Variants in MTERF4 observed in about 807,000 individuals in gnomAD.
The protein encoded by MTERF4 is mitochondrial transcription termination factor 4.
A neutral mutation model predicts 22.5 loss-of-function variants in MTERF4; 17 were observed. The ratio of observed to expected loss-of-function variants is 0.75; its 90% CI spans 0.52 to 1.13. MTERF4 has a LOEUF of 1.13. MTERF4 is among the 50% of genes most tolerant of loss of function. The pLI is 0.00. For synonymous variants in MTERF4, 165 were observed against 175.3 expected (o/e 0.94, Z 0.47); for missense variants, 420 against 466.8 (o/e 0.90, Z 0.92).
the MTERF4 span, among the ~76,000 whole-genome samples, chr2:241,061,282 T>G: frequency 1.3e-5 from 2 of 152,174 alleles, no homozygotes; most frequent in African/African-American, 2.4e-5. Context: ...TTCTATTTCA[T>G]TAGTAATCAG....
downstream of MTERF4, chr2:241,082,290 G>T: frequency 6.2e-7 from 1 of 1,613,066 alleles, no homozygotes; most frequent in Non-Finnish European, 8.5e-7. Flanking sequence ...GTATAAAGGT[G>T]TCCCGCCCCT....
At chr2:241,059,241 T>A in the MTERF4 span, among the ~76,000 whole-genome samples, 1 of 152,210 alleles carries the variant, frequency 6.6e-6, no homozygotes, top group South Asian at 2.1e-4. Context: ...TACACTTAAT[T>A]TGTAATTAAA....
the MTERF4 span, chr2:241,051,859 C>T: frequency 2.6e-6 from 4 of 1,536,898 alleles, no homozygotes; most frequent in East Asian, 4.8e-5. The surrounding 1 kb of genome is among the most constrained non-coding windows in gnomAD (Gnocchi z 4.7). Flanking sequence ...ACTGTGAGAT[C>T]GGTGCGGCCC....
the MTERF4 span, chr2:241,062,805 C>T: frequency 1.4e-5 from 23 of 1,609,786 alleles, no homozygotes; most frequent in African/African-American, 1.1e-4. Context: ...CGATGAGTGC[C>T]GGTCTCAGCC....
chr2:241,045,713 C>CA, the MTERF4 span, among the ~76,000 whole-genome samples: 43,869 of 133,438 alleles, frequency 0.33, 6,594 homozygotes, highest in Middle Eastern at 0.38. Context: ...AAAACATAGG[C>CA]AAAAAAAAAA....
the MTERF4 span, among the ~76,000 whole-genome samples, chr2:241,046,826 A>C: frequency 6.6e-6 from 1 of 152,208 alleles, no homozygotes; most frequent in African/African-American, 2.4e-5. Flanking sequence ...TTTTGAAAGC[A>C]CGTGAAGAAA....
chr2:241,053,165 G>GC, the MTERF4 span: 1 of 1,610,122 alleles, frequency 6.2e-7, no homozygotes, highest in Non-Finnish European at 8.5e-7. Context: ...GTGGACTGCG[G>GC]CCCCCCGGAG....
chr2:241,072,296 C>T, exon 5 of MTERF4: 1 of 448,056 alleles, frequency 2.2e-6, no homozygotes, highest in Non-Finnish European at 4.5e-6. Context: ...CCGCCACTGT[C>T]CTGGCAAGAT....
At chr2:241,080,634 C>T (rs1028849350) in intron 4 of MTERF4, among the ~76,000 whole-genome samples, 8 of 152,186 alleles carry the variant, frequency 5.3e-5, no homozygotes, top group East Asian at 3.8e-4. Context: ...GAAGGGCTCC[C>T]GCTGTCCAAA....
chr2:241,096,457 C>CTTAAG lies in MTERF4; in HGVS notation c.706-20_706-19insCTTAA. 1 of 1,611,750 alleles carries CTTAAG rather than the reference C, an allele frequency of 6.2e-7. No homozygotes were observed. Among genetic ancestry groups the CTTAAG allele is most frequent in the Non-Finnish European group, 8.5e-7 (1 of 1,178,276 alleles). On this transcript the variant is annotated intron_variant, in intron 3 of 3. Coordinates refer to ENST00000391980, the MANE Select transcript of MTERF4 (RefSeq NM_182501.4). This position sits in a 1 kb window ranked among gnomAD's most constrained non-coding sequence, Gnocchi z 5.1. Reference sequence around the variant, plus strand: ...ATGCATACTGGAAGACACAAACACACTTAGGAGTCCCAGATACAGAGTATT... The same window carrying CTTAAG: ...ATGCATACTGGAAGACACAAACACACTTAAGTTAGGAGTCCCAGATACAGAGTATT...
chr2:241,088,099 C>T (rs1170479438), downstream of MTERF4: 3 of 493,064 alleles, frequency 6.1e-6, no homozygotes, highest in Non-Finnish European at 1.1e-5. Flanking sequence ...TGCTTGCTTT[C>T]TCCCACGTCC....
chr2:241,064,822 C>G, the MTERF4 span: 1 of 1,547,652 alleles, frequency 6.5e-7, no homozygotes, highest in South Asian at 1.2e-5. This position sits in a 1 kb window ranked among gnomAD's most constrained non-coding sequence, Gnocchi z 7.0. Context: ...CCAACATACA[C>G]TGCCACTTTT....
At chr2:241,070,058 G>A (rs375573059), downstream of MTERF4, 36 of 1,612,968 alleles carry the variant, frequency 2.2e-5, no homozygotes, top group South Asian at 3.3e-5. Flanking sequence ...ACCAAGAGCC[G>A]CTATGTCCCC....
Position 241,095,862 on chromosome 2 carries a change from AT to A in MTERF4, c.*135del, listed in dbSNP as rs987580965. The A allele has an allele frequency of 2.0e-5, 30 of 1,479,820 alleles. No homozygotes were observed. In the African/African-American group the frequency reaches 3.1e-4, roughly 15 times the overall value. The allele number at this position is 1,479,820 out of a possible 1,614,324, so 91.7% of individuals were successfully genotyped here. ...CTGTCTGCCTCTCAGGTGACTTATA[AT>A]TTTTTTCATCAAGAGACCAGTTTTA... is the stretch of plus-strand genomic sequence containing the variant. On this transcript the variant is annotated 3_prime_UTR_variant, in exon 4 of 4. Transcript: ENST00000391980.
intron 1 of MTERF4, 68 bp downstream of exon 1, chr2:241,102,185 C>T (rs2064744119): frequency 6.5e-7 from 1 of 1,545,682 alleles, no homozygotes; most frequent in Non-Finnish European, 8.7e-7. Flanking sequence ...TCGGCGGCCG[C>T]GGTTCCTCTG....
chr2:241,069,755 T>C (rs558592228), downstream of MTERF4, among the ~76,000 whole-genome samples: 6 of 152,172 alleles, frequency 3.9e-5, no homozygotes, highest in Admixed American at 1.3e-4. This position sits in a 1 kb window ranked among gnomAD's most constrained non-coding sequence, Gnocchi z 4.9. Flanking sequence ...AAGATTGTGC[T>C]GTACGTGCCA....
At chr2:241,082,460 G>T, downstream of MTERF4, 2 of 852,598 alleles carry the variant, frequency 2.3e-6, no homozygotes, top group Non-Finnish European at 3.8e-6. Flanking sequence ...CCCTGAGGAG[G>T]GACGATGGCT....
the MTERF4 span, chr2:241,048,289 G>T: frequency 1.9e-6 from 3 of 1,573,146 alleles, no homozygotes; most frequent in Non-Finnish European, 2.6e-6. Context: ...CTGCGTGGCC[G>T]CTGGTGACTG....
At chr2:241,084,559 C>T (rs1575127848), downstream of MTERF4, among the ~76,000 whole-genome samples, 3 of 152,192 alleles carry the variant, frequency 2.0e-5, no homozygotes, top group South Asian at 6.2e-4. Flanking sequence ...ATCAAGCTTC[C>T]ACTTCCCTCC....
Sources: allele counts gnomAD v4.1 joint callset (sites outside exome capture counted in the v4.1 genomes callset), GRCh38; gene constraint gnomAD v4.1.1; non-coding constraint Gnocchi (gnomAD v3.1); transcripts MANE v1.5; gene names NCBI Gene and HGNC (gene_info 2026-07-23, HGNC 2026-07-21).